Variants in AQP8 observed in about 807,000 individuals in gnomAD.
AQP8 encodes the protein aquaporin-8.
A neutral mutation model predicts 26.1 loss-of-function variants in AQP8; 14 were observed. The ratio of observed to expected loss-of-function variants is 0.54; its 90% CI spans 0.35 to 0.84. The LOEUF is 0.84. Among genes scored for constraint, AQP8 ranks in the 40% least tolerant of loss-of-function variants. AQP8 has a pLI of 0.01. For synonymous variants in AQP8, 131 were observed against 150.7 expected (o/e 0.87, Z 0.96); for missense variants, 301 against 340.5 (o/e 0.88, Z 0.91).
chr16:25,222,176 C>T (rs766836719), intron 3 of AQP8, among the ~76,000 whole-genome samples: 2 of 152,146 alleles, frequency 1.3e-5, no homozygotes, highest in Non-Finnish European at 2.9e-5. Flanking sequence ...AGTGATCCTC[C>T]TGCCTCAGCC....
chr16:25,222,918 C>G (rs1378684746), intron 3 of AQP8, among the ~76,000 whole-genome samples: 1 of 152,230 alleles, frequency 6.6e-6, no homozygotes. Flanking sequence ...CAAGCCCTGC[C>G]ACTTAAAACC....
At chr16:25,221,724 G>A (rs567529287) in intron 3 of AQP8, 141 bp downstream of exon 3, 21 of 1,005,602 alleles carry the variant, frequency 2.1e-5, no homozygotes, top group Middle Eastern at 6.3e-4. Context: ...ATTGGTGGAC[G>A]TTTTTCTTCT....
chr16:25,222,461 C>A (rs995893729), intron 3 of AQP8, among the ~76,000 whole-genome samples: 3 of 151,820 alleles, frequency 2.0e-5, no homozygotes, highest in Non-Finnish European at 4.4e-5. Context: ...CCTGCCTTGG[C>A]CTCCCAAAGT....
rs150706229 is a variant in AQP8, at chr16:25,219,894, G to A, written c.261-1563G>A. Among the ~76,000 whole-genome samples the A allele has an allele frequency of 3.6e-3, 553 of 152,140 alleles. 2 individuals are homozygous for A. The highest frequency in any genetic ancestry group is 0.012 in the African/African-American group (502 of 41,496). On this transcript the variant is annotated intron_variant, in intron 2 of 5. Coordinates refer to ENST00000219660, the MANE Select transcript of AQP8 (RefSeq NM_001169.3). ...TCTACCAAAAATACAAAAATTAGCC[G>A]GGCGTGGTGGCAGCCCCGTTATCCC...
At position 25,227,122 on chromosome 16, in the gene AQP8, G is replaced by A; in HGVS notation, c.657G>A (p.Val219=). Residue 219 remains valine (V), a synonymous_variant, in exon 5 of 6, where the codon GTG becomes GTA. Transcript: ENST00000219660. ...CCGCCCGTGCTTTTGGACCTGCGGT[G>A]GTGGCCAACCACTGGAACTTCCACT... ...MNPARAFGPA[V]VANHWNFHWI... 1 of 1,614,162 alleles carries A rather than the reference G, an allele frequency of 6.2e-7. No individual in the cohort carries two copies. Among genetic ancestry groups the A allele is most frequent in the Non-Finnish European group, 8.5e-7 (1 of 1,180,032 alleles).
chr16:25,217,099 C>A (rs766444551), intron 1 of AQP8, 42 bp downstream of exon 1: 4 of 1,613,788 alleles, frequency 2.5e-6, no homozygotes, highest in Non-Finnish European at 3.4e-6. Context: ...GCTGGCAGAG[C>A]AAGGGGGGCT....
At chr16:25,227,837 G>C (rs913975247) in intron 5 of AQP8, among the ~76,000 whole-genome samples, 5 of 151,938 alleles carry the variant, frequency 3.3e-5, no homozygotes, top group African/African-American at 1.2e-4. Flanking sequence ...TGTTGGCCAG[G>C]CTGGTCTCCA....
At chr16:25,223,555 AAC>A (rs1017516859) in intron 3 of AQP8, among the ~76,000 whole-genome samples, 16 of 152,140 alleles carry the variant, frequency 1.1e-4, no homozygotes, top group African/African-American at 3.4e-4. Flanking sequence ...TTTTAAAAAA[AAC>A]ATTAGGTGGG....
chr16:25,217,558 G>A (rs1329877128), intron 2 of AQP8, 113 bp downstream of exon 2: 6 of 1,432,502 alleles, frequency 4.2e-6, no homozygotes, highest in Middle Eastern at 2.1e-4. Context: ...TTCAAGGAGC[G>A]CTCTGGATAA....
intron 2 of AQP8, 37 bp downstream of exon 2, chr16:25,217,482 T>C (rs565899564): frequency 6.2e-7 from 1 of 1,604,934 alleles, no homozygotes; most frequent in East Asian, 2.2e-5. Context: ...TGATGCTGAC[T>C]TGGGGCACTG....
intron 2 of AQP8, 52 bp from the exon 3 acceptor site, chr16:25,221,405 G>T: frequency 6.3e-7 from 1 of 1,596,610 alleles, no homozygotes; most frequent in Non-Finnish European, 8.6e-7. Context: ...TCAAGTGCCA[G>T]CCATGTGGTC....
intron 4 of AQP8, 73 bp from the exon 5 acceptor site, chr16:25,226,995 T>C (rs1962643387): frequency 6.2e-7 from 1 of 1,606,128 alleles, no homozygotes; most frequent in African/African-American, 1.3e-5. Context: ...CTAGGCCTAG[T>C]TGGGGACATG....
chr16:25,219,971 G>T (rs1327206870), intron 2 of AQP8, among the ~76,000 whole-genome samples: 2 of 151,946 alleles, frequency 1.3e-5, no homozygotes, highest in African/African-American at 2.4e-5. Context: ...GGAGGCGGAG[G>T]TTGCAGTGAG....
rs573342798 is a variant in AQP8 at position 25,217,349 on chromosome 16, C to T, written c.164C>T (p.Ser55Leu). The change falls in exon 2 of 6, where the codon TCG becomes TTG. Residue 55 changes from serine (S) to leucine (L), a missense_variant. Coordinates refer to ENST00000219660, the MANE Select transcript of AQP8 (RefSeq NM_001169.3). ...CTCTTCATCTTCATCGGGTGCCTGT[C>T]GGTCATTGAGAATGGGACGGACACT... is the stretch of plus-strand genomic sequence containing the variant. Reference protein sequence around the residue: ...SALFIFIGCLSVIENGTDTGL... With the variant: ...SALFIFIGCLLVIENGTDTGL... 50 of 1,614,094 alleles carry T rather than the reference C, an allele frequency of 3.1e-5. No individual in the cohort carries two copies. The highest frequency in any genetic ancestry group is 4.5e-5 in the East Asian group (2 of 44,882).
In AQP8 at chr16:25,217,380, G is replaced by A. The variant is rs2141750938; in HGVS notation, c.195G>A (p.Leu65=). The A allele has an allele frequency of 6.2e-7, 1 of 1,614,172 alleles. No homozygotes were observed. The highest frequency in any genetic ancestry group is 8.5e-7 in the Non-Finnish European group (1 of 1,180,010). Residue 65 remains leucine (L), a synonymous_variant, in exon 2 of 6, where the codon CTG becomes CTA. Coordinates refer to ENST00000219660, the MANE Select transcript of AQP8 (RefSeq NM_001169.3). ...SVIENGTDTG[L]LQPALAHGLA... ...TTGAGAATGGGACGGACACTGGGCT[G>A]CTGCAGCCGGCCCTGGCCCACGGGC...
At position 25,227,127 on chromosome 16, in the gene AQP8, C is replaced by T. The variant is rs1196958052; in HGVS notation, c.662C>T (p.Ala221Val). The T allele has an allele frequency of 6.2e-7, 1 of 1,613,992 alleles. No homozygotes were observed. Among genetic ancestry groups the T allele is most frequent in the African/African-American group, 1.3e-5 (1 of 74,904 alleles). ...CGTGCTTTTGGACCTGCGGTGGTGG[C>T]CAACCACTGGAACTTCCACTGGATC... ...PARAFGPAVVANHWNFHWIYW... is the reference protein window; with the variant it reads ...PARAFGPAVVVNHWNFHWIYW... Residue 221 changes from alanine to valine, a missense_variant, in exon 5 of 6, where the codon GCC becomes GTC. Transcript: ENST00000219660.
At chr16:25,220,288 C>T (rs1392974265) in intron 2 of AQP8, among the ~76,000 whole-genome samples, 3 of 152,174 alleles carry the variant, frequency 2.0e-5, no homozygotes, top group Non-Finnish European at 2.9e-5. Flanking sequence ...TCTCAAGTGA[C>T]ATGGGGAGTC....
At chr16:25,220,124 G>C (rs1266334117) in intron 2 of AQP8, among the ~76,000 whole-genome samples, 2 of 152,048 alleles carry the variant, frequency 1.3e-5, no homozygotes, top group Non-Finnish European at 2.9e-5. Flanking sequence ...AGCCAGACAA[G>C]TTGGGGTAGC....
intron 2 of AQP8, among the ~76,000 whole-genome samples, chr16:25,218,631 G>A (rs1454222345): frequency 1.3e-5 from 2 of 152,236 alleles, no homozygotes; most frequent in Non-Finnish European, 2.9e-5. Context: ...TGTAATCCCA[G>A]CACTTTGGGA....
Sources: gnomAD v4.1 joint callset for allele counts (sites outside exome capture counted in the v4.1 genomes callset) on GRCh38, gnomAD v4.1.1 for gene constraint, MANE v1.5 for transcripts, NCBI Gene and HGNC (gene_info 2026-07-23, HGNC 2026-07-21) for gene names.